PPFIA1: variants seen among roughly 807,000 people sequenced by gnomAD.
PPFIA1 encodes liprin-alpha-1.
Under a neutral mutation model 149.9 loss-of-function variants are expected in PPFIA1, and 25 were observed. The ratio of observed to expected loss-of-function variants is 0.17; its 90% confidence interval spans 0.12 to 0.23. PPFIA1 has a LOEUF of 0.23. Among genes scored for constraint, PPFIA1 ranks in the 10% least tolerant of loss-of-function variants. The probability of loss-of-function intolerance (pLI) is 1.00; values close to 1 mark genes in which losing one functional copy is unlikely to be tolerated. For synonymous variants in PPFIA1, 549 were observed against 552.8 expected (o/e 0.99, Z 0.10); for missense variants, 1,362 against 1,506.5 (o/e 0.90, Z 1.59).
intron 21 of PPFIA1, among the ~76,000 whole-genome samples, chr11:70,366,828 T>TC (rs544455352): frequency 6.6e-6 from 1 of 152,334 alleles, no homozygotes; most frequent in African/African-American, 2.4e-5. Flanking sequence ...CATTAGACTG[T>TC]CCCCCCACCT....
rs560362626 is a variant in PPFIA1 at position 70,369,606 on chromosome 11, CT to C, written c.2866-2603del. Among the ~76,000 whole-genome samples, 288 of 152,142 alleles carry C rather than the reference CT, an allele frequency of 1.9e-3. 2 individuals carry two copies. The highest frequency in any genetic ancestry group is 6.8e-3 in the African/African-American group (281 of 41,526). ...TGAAGCTATCTTGGGTAGAGATTTT[CT>C]TTTTTGTATGTTAGAAGATTTATGA... On this transcript the variant is annotated intron_variant, in intron 21 of 27. Coordinates refer to ENST00000253925, the MANE Select transcript of PPFIA1 (RefSeq NM_003626.5).
intron 2 of PPFIA1, among the ~76,000 whole-genome samples, chr11:70,313,164 C>T (rs1225294207): frequency 1.3e-5 from 2 of 152,142 alleles, no homozygotes; most frequent in Non-Finnish European, 1.5e-5. Context: ...TCAGAATGGG[C>T]GGAGCTGACT....
chr11:70,344,970 A>G (rs2055596847), intron 15 of PPFIA1, among the ~76,000 whole-genome samples: 2 of 152,020 alleles, frequency 1.3e-5, no homozygotes, highest in African/African-American at 4.8e-5. Flanking sequence ...GAAAGACCCA[A>G]CTGGGGCAGG....
Position 70,382,988 on chromosome 11 carries a change from G to T in PPFIA1, c.*13-15G>T, listed in dbSNP as rs1406034292. 2.5e-6 allele frequency: 1 copy of T among 396,056 alleles called. No homozygotes were observed. The highest frequency in any genetic ancestry group is 4.0e-5 in the Admixed American group (1 of 25,246). The allele number at this position is 396,056 out of a possible 1,614,324, so 24.5% of individuals were successfully genotyped here. On this transcript the variant is annotated splice_polypyrimidine_tract_variant and intron_variant, in intron 27 of 27. Transcript: ENST00000253925. ...GCCTGTACTGAGTGGTTTTTTGTTTGTGTTTATTTTCCAGTTTACCCACAC... is the reference window on the plus strand; with the variant it reads ...GCCTGTACTGAGTGGTTTTTTGTTTTTGTTTATTTTCCAGTTTACCCACAC...
At chr11:70,375,192 A>AC (rs1175430655) in intron 24 of PPFIA1, 99 bp downstream of exon 24, 8 of 409,912 alleles carry the variant, frequency 2.0e-5, no homozygotes, top group Non-Finnish European at 2.7e-5. Flanking sequence ...AAAAAAAAAA[A>AC]AAAAAAAAAA....
intron 21 of PPFIA1, among the ~76,000 whole-genome samples, chr11:70,369,862 C>A (rs1369541250): frequency 6.6e-6 from 1 of 151,650 alleles, no homozygotes; most frequent in Non-Finnish European, 1.5e-5. Flanking sequence ...GTCTCAGACA[C>A]CTGGACTCAA....
In PPFIA1 at chr11:70,354,284, CTT is replaced by C; in HGVS notation, c.2164-16_2164-15del. Reference sequence around the variant, plus strand: ...CAGTCTGCTGTTAACTAACTTTGCACTTCTCTCACCCCTCAGTTGCCACCTTC... The same window carrying C: ...CAGTCTGCTGTTAACTAACTTTGCACCTCTCACCCCTCAGTTGCCACCTTC... On this transcript the variant is annotated splice_polypyrimidine_tract_variant and intron_variant, in intron 16 of 27. Transcript: ENST00000253925. 6.3e-7 allele frequency: 1 copy of C among 1,599,528 alleles called. No homozygotes were observed. The highest frequency in any genetic ancestry group is 1.1e-5 in the South Asian group (1 of 89,246).
chr11:70,343,622 C>A, intron 14 of PPFIA1, 47 bp from the exon 15 acceptor site: 2 of 1,516,454 alleles, frequency 1.3e-6, no homozygotes, highest in Non-Finnish European at 1.8e-6. Flanking sequence ...GTTTCTACAA[C>A]TAATGTTGTT....
chr11:70,276,411 A>G (rs957226907), intron 2 of PPFIA1, among the ~76,000 whole-genome samples: 1 of 151,812 alleles, frequency 6.6e-6, no homozygotes, highest in African/African-American at 2.4e-5. Context: ...TTCTCCTTTT[A>G]CTGGATTATA....
intron 15 of PPFIA1, chr11:70,346,030 G>A (rs1045837931): frequency 3.0e-5 from 13 of 434,746 alleles, no homozygotes; most frequent in Middle Eastern, 3.3e-4. Flanking sequence ...TTCTTGTCTC[G>A]TCAGTATTTT....
intron 1 of PPFIA1, chr11:70,271,215 CG>C (rs1388838646): frequency 6.6e-6 from 1 of 152,170 alleles, no homozygotes; most frequent in Non-Finnish European, 1.5e-5. Flanking sequence ...GAGCGGGCTC[CG>C]TTGTCAACGG....
At chr11:70,372,841 T>G (rs2057330204) in intron 23 of PPFIA1, among the ~76,000 whole-genome samples, 1 of 152,014 alleles carries the variant, frequency 6.6e-6, no homozygotes, top group South Asian at 2.1e-4. Flanking sequence ...GAGTTGAGAG[T>G]TTTCCTTTGG....
chr11:70,355,921 G>C, intron 18 of PPFIA1, 110 bp downstream of exon 18: 1 of 1,384,216 alleles, frequency 7.2e-7, no homozygotes, highest in Non-Finnish European at 9.9e-7. Context: ...TGCTCTCCAG[G>C]GAGCAGCAGC....
chr11:70,372,161 A>G lies in PPFIA1; in HGVS notation c.2866-54A>G, dbSNP rs989962135. On this transcript the variant is annotated intron_variant, in intron 21 of 27. Coordinates refer to ENST00000253925, the MANE Select transcript of PPFIA1 (RefSeq NM_003626.5). Reference sequence around the variant, plus strand: ...TAAAAATTCATTTTAAAAATGATATAAACTACTTTTGAGACTTCCTCTGTA... The same window carrying G: ...TAAAAATTCATTTTAAAAATGATATGAACTACTTTTGAGACTTCCTCTGTA... 1.3e-5 allele frequency: 20 copies of G among 1,493,784 alleles called. No homozygotes were observed. In the African/African-American group the frequency reaches 2.8e-4, roughly 21 times the overall value. 92.5% of individuals were successfully genotyped at this position (1,493,784 alleles called of 1,614,324 possible).
chr11:70,382,115 A>C lies in PPFIA1; in HGVS notation c.3578A>C (p.Asp1193Ala). Residue 1193 changes from aspartate to alanine, a missense_variant, in exon 27 of 28, where the codon GAT (aspartate) becomes GCT (alanine). Physicochemically the swap from Asp to Ala is moderately radical, Grantham distance 126. This residue lies in a region of PPFIA1 where 349 missense variants were observed against 373.3 expected (regional missense o/e 0.93). Coordinates refer to ENST00000253925, the MANE Select transcript of PPFIA1 (RefSeq NM_003626.5). ...DGNVSGTQRL[D>A]SATVRTYSC ...AATGTATCAGGAACACAGAGGTTGG[A>C]TTCTGCTACAGTCAGGACTTACTCC... 6.2e-7 allele frequency: 1 copy of C among 1,614,070 alleles called. No homozygotes were observed. The highest frequency in any genetic ancestry group is 1.1e-5 in the South Asian group (1 of 91,052).
chr11:70,330,117 TA>T lies in PPFIA1; in HGVS notation c.931-54del, dbSNP rs1218218305. 2.1e-6 allele frequency: 3 copies of T among 1,458,524 alleles called. No individual in the cohort carries two copies. The African/African-American group carries it at 4.3e-5, about 21-fold the overall frequency. 90.3% of individuals were successfully genotyped at this position (1,458,524 alleles called of 1,614,324 possible). On this transcript the variant is annotated intron_variant, in intron 7 of 27. Transcript: ENST00000253925. ...CAGTTTTTTTCTCTCTTAAGTATCTTAATGTGTAATCGTTAATTACCTACTT... is the reference window on the plus strand; with the variant it reads ...CAGTTTTTTTCTCTCTTAAGTATCTTATGTGTAATCGTTAATTACCTACTT...
At chr11:70,352,411 T>A (rs2056104354) in intron 16 of PPFIA1, among the ~76,000 whole-genome samples, 1 of 152,158 alleles carries the variant, frequency 6.6e-6, no homozygotes, top group African/African-American at 2.4e-5. Context: ...TTCTTTATTT[T>A]TTGATAGCAA....
intron 2 of PPFIA1, among the ~76,000 whole-genome samples, chr11:70,319,066 C>T (rs765209896): frequency 1.3e-5 from 2 of 152,238 alleles, no homozygotes; most frequent in Non-Finnish European, 2.9e-5. Flanking sequence ...AAATTTAGCA[C>T]GTCCAAACCC....
intron 2 of PPFIA1, among the ~76,000 whole-genome samples, chr11:70,299,760 T>C (rs1438811498): frequency 6.6e-6 from 1 of 152,036 alleles, no homozygotes; most frequent in Non-Finnish European, 1.5e-5. Flanking sequence ...GGGGTTTCTT[T>C]CCTGATCCCC....
Sources: gnomAD v4.1 joint callset for allele counts (sites outside exome capture counted in the v4.1 genomes callset) on GRCh38, gnomAD v4.1.1 for gene constraint, gnomAD v4.1.1 regional missense constraint, MANE v1.5 for transcripts, NCBI Gene and HGNC (gene_info 2026-07-23, HGNC 2026-07-21) for gene names.